The following FUT8 variants were observed in gnomAD, a reference collection of about 807,000 sequenced individuals.
The protein encoded by FUT8 is fucosyltransferase 8.
A neutral mutation model predicts 71.3 loss-of-function variants in FUT8; 29 were observed. The ratio of observed to expected loss-of-function variants is 0.41; its 90% CI spans 0.30 to 0.55. The LOEUF is 0.55. Among genes scored for constraint, FUT8 ranks in the 20% least tolerant of loss-of-function variants. The pLI is 0.34. For synonymous variants in FUT8, 254 were observed against 239.3 expected (o/e 1.06, Z -0.57); for missense variants, 544 against 702.1 (o/e 0.77, Z 2.55).
chr14:65,425,105 A>G (rs942668201), intron 1 of FUT8, among the ~76,000 whole-genome samples: 4 of 152,202 alleles, frequency 2.6e-5, no homozygotes, highest in African/African-American at 9.7e-5. Flanking sequence ...GTGTTGTTCA[A>G]GTTTTAAGCC....
chr14:65,670,319 A>C (rs183228067), intron 7 of FUT8, among the ~76,000 whole-genome samples: 178 of 152,274 alleles, frequency 1.2e-3, no homozygotes, highest in Non-Finnish European at 2.1e-3. Flanking sequence ...CCTAGGTCTT[A>C]GTTTCCTTAT....
chr14:65,609,569 G>T (rs1888769490), intron 3 of FUT8, among the ~76,000 whole-genome samples: 2 of 151,806 alleles, frequency 1.3e-5, no homozygotes, highest in South Asian at 4.2e-4. Flanking sequence ...TTATGTGTGG[G>T]CCTATTCCCG....
rs112932281 is a variant in FUT8, at chr14:65,441,510, G to A, written c.-325-14111G>A. On this transcript the variant is annotated intron_variant, in intron 1 of 10. Transcript: ENST00000673929. ...AATCCCAGCACTTTGGGAGGCCAAG[G>A]CAGGTTAATCACCTGAGGTTGGGAG... Among the ~76,000 whole-genome samples, 1,405 of 152,070 alleles carry A rather than the reference G, an allele frequency of 9.2e-3. 21 individuals carry two copies. Among genetic ancestry groups the A allele is most frequent in the African/African-American group, 0.032 (1,343 of 41,438 alleles).
intron 7 of FUT8, among the ~76,000 whole-genome samples, chr14:65,695,394 C>T (rs531207641): frequency 1.3e-5 from 2 of 149,402 alleles, no homozygotes; most frequent in Admixed American, 6.6e-5. Context: ...ATAATTAAAC[C>T]TCTGTCATTA....
At position 65,607,433 on chromosome 14, in the gene FUT8, T is replaced by C. The variant is rs967494810; in HGVS notation, c.204-8545T>C. Among the ~76,000 whole-genome samples, 1 of 151,990 alleles carries C rather than the reference T, an allele frequency of 6.6e-6. No individual in the cohort carries two copies. Among genetic ancestry groups the C allele is most frequent in the African/African-American group, 2.4e-5 (1 of 41,450 alleles). ...TATTAAATTTTATCTAATGATTTTT[T>C]GTTTCCATTGAGATTGTAATTTTAT... On this transcript the variant is annotated intron_variant, in intron 3 of 10. Transcript: ENST00000673929. The surrounding 1 kb of genome is among the most constrained non-coding windows in gnomAD (Gnocchi z 4.1).
rs1311927290 is a variant in FUT8, at chr14:65,489,193, G to T, written c.-228+33475G>T. On this transcript the variant is annotated intron_variant, in intron 2 of 10. Coordinates refer to ENST00000673929, the MANE Select transcript of FUT8 (RefSeq NM_001371533.1). The surrounding 1 kb of genome is among the most constrained non-coding windows in gnomAD (Gnocchi z 4.0). ...TTTTTGATAGCCAGAGGAAGTTAGA[G>T]AACAGATTTATCTAACACTAAACGG... is the stretch of plus-strand genomic sequence containing the variant. 6.6e-6 allele frequency among the ~76,000 whole-genome samples: 1 copy of T among 152,136 alleles called. No individual in the cohort carries two copies. Among genetic ancestry groups the T allele is most frequent in the African/African-American group, 2.4e-5 (1 of 41,444 alleles).
chr14:65,608,347 A>G (rs1241970115), intron 3 of FUT8, among the ~76,000 whole-genome samples: 2 of 151,644 alleles, frequency 1.3e-5, no homozygotes, highest in African/African-American at 4.8e-5. Context: ...TGTTCATGGC[A>G]TAATTGTTGA....
At chr14:65,401,861 C>G in the FUT8 span, among the ~76,000 whole-genome samples, 1 of 148,946 alleles carries the variant, frequency 6.7e-6, no homozygotes, top group East Asian at 2.0e-4. Flanking sequence ...CCACTGCACT[C>G]CCTCCAGCCT....
chr14:65,489,559 TA>T lies in FUT8; in HGVS notation c.-228+33848del, dbSNP rs779583353. 1.3e-5 allele frequency among the ~76,000 whole-genome samples: 2 copies of T among 152,062 alleles called. No homozygotes were observed. Among genetic ancestry groups the T allele is most frequent in the Non-Finnish European group, 2.9e-5 (2 of 67,986 alleles). On this transcript the variant is annotated intron_variant, in intron 2 of 10. Coordinates refer to ENST00000673929, the MANE Select transcript of FUT8 (RefSeq NM_001371533.1). The surrounding 1 kb of genome is among the most constrained non-coding windows in gnomAD (Gnocchi z 4.0). ...TTAAAAAGTTCTATAGATTTGTGAT[TA>T]AAAAAATAGTTCCCTATTTGAATAA...
At chr14:65,412,067 G>A (rs1170725436), upstream of FUT8, 2 of 456,732 alleles carry the variant, frequency 4.4e-6, no homozygotes, top group African/African-American at 2.0e-5. Flanking sequence ...ATAAACTTCC[G>A]CCTCAGAGGG....
chr14:65,543,061 C>G (rs1221382488), intron 2 of FUT8, among the ~76,000 whole-genome samples: 1 of 152,158 alleles, frequency 6.6e-6, no homozygotes, highest in East Asian at 1.9e-4. Flanking sequence ...GGATTACAGG[C>G]GTGAGCCACC....
the FUT8 span, among the ~76,000 whole-genome samples, chr14:65,383,265 C>CTTTTTTT: frequency 8.4e-4 from 73 of 86,518 alleles, 2 homozygotes; most frequent in African/African-American, 2.9e-3. Context: ...TTTTTCTTTT[C>CTTTTTTT]TTTTTTTTTT....
chr14:65,501,229 A>T (rs1163953047), intron 2 of FUT8, among the ~76,000 whole-genome samples: 1 of 152,206 alleles, frequency 6.6e-6, no homozygotes, highest in African/African-American at 2.4e-5. Flanking sequence ...TACAAACAAA[A>T]ACAAAAAATT....
chr14:65,436,678 C>G (rs539274451), intron 1 of FUT8, among the ~76,000 whole-genome samples: 1 of 152,128 alleles, frequency 6.6e-6, no homozygotes, highest in East Asian at 1.9e-4. Flanking sequence ...GTAAATGGCC[C>G]TGACAAGGTC....
chr14:65,496,043 A>G (rs541221122), intron 2 of FUT8, among the ~76,000 whole-genome samples: 2 of 152,268 alleles, frequency 1.3e-5, no homozygotes, highest in South Asian at 4.1e-4. Context: ...AGTAGAAAAA[A>G]ATCACGTTAA....
At chr14:65,432,029 GT>G (rs1460441473) in intron 1 of FUT8, among the ~76,000 whole-genome samples, 1 of 152,004 alleles carries the variant, frequency 6.6e-6, no homozygotes, top group African/African-American at 2.4e-5. Flanking sequence ...TCTTTCTGTT[GT>G]TACCAGTGAC....
At chr14:65,503,515 C>T (rs2066679554) in intron 2 of FUT8, among the ~76,000 whole-genome samples, 1 of 152,056 alleles carries the variant, frequency 6.6e-6, no homozygotes, top group African/African-American at 2.4e-5. Flanking sequence ...TGAATAGAGC[C>T]CAAATTTATG....
intron 3 of FUT8, among the ~76,000 whole-genome samples, chr14:65,579,312 T>C (rs1403575001): frequency 6.6e-6 from 1 of 152,186 alleles, no homozygotes; most frequent in Admixed American, 6.5e-5. Context: ...AGCCTATAGA[T>C]AATGACAGAA....
intron 1 of FUT8, among the ~76,000 whole-genome samples, chr14:65,450,068 G>T (rs960272246): frequency 6.6e-6 from 1 of 152,072 alleles, no homozygotes; most frequent in Non-Finnish European, 1.5e-5. Context: ...ATGTGATTTT[G>T]TGTGCATATG....
Sources: gnomAD v4.1 joint callset for allele counts (sites outside exome capture counted in the v4.1 genomes callset) on GRCh38, gnomAD v4.1.1 for gene constraint, Gnocchi (gnomAD v3.1) non-coding constraint, MANE v1.5 for transcripts, NCBI Gene and HGNC (gene_info 2026-07-23, HGNC 2026-07-21) for gene names.